AFM: variants seen among roughly 807,000 people sequenced by gnomAD.
The protein encoded by AFM is afamin, also known as alpha-Alb.
In AFM, 82 loss-of-function variants were observed where a neutral mutation model predicts 68.7. The ratio of observed to expected loss-of-function variants is 1.19; its 90% CI spans 1.00 to 1.43. AFM has a LOEUF of 1.43. Ranked by LOEUF, AFM falls within the 40% of genes most tolerant of loss-of-function variation. The pLI, the probability that AFM is intolerant of heterozygous loss-of-function variation, is 0.00. For synonymous variants in AFM, 250 were observed against 234.2 expected (o/e 1.07, Z -0.61); for missense variants, 772 against 701.8 (o/e 1.10, Z -1.13).
Position 73,487,289 on chromosome 4 carries a change from A to C in AFM, c.615+190A>C, listed in dbSNP as rs559726558. Among the ~76,000 whole-genome samples, 3 of 152,354 alleles carry C rather than the reference A, an allele frequency of 2.0e-5. No individual in the cohort carries two copies. In the East Asian group the frequency reaches 5.8e-4, roughly 29 times the overall value. On this transcript the variant is annotated intron_variant, in intron 5 of 14. Coordinates refer to ENST00000226355, the MANE Select transcript of AFM (RefSeq NM_001133.2). Reference sequence around the variant, plus strand: ...TCTCTTTACTTGAGACTCTTGAATGACAGCCAGTCATTTTCAGGGTCTCTC... The same window carrying C: ...TCTCTTTACTTGAGACTCTTGAATGCCAGCCAGTCATTTTCAGGGTCTCTC...
Position 73,485,922 on chromosome 4 carries a change from T to C in AFM, c.331T>C (p.Ser111Pro), listed in dbSNP as rs775109571. 6.2e-6 allele frequency: 10 copies of C among 1,614,028 alleles called. No individual in the cohort carries two copies. Among genetic ancestry groups the C allele is most frequent in the Admixed American group, 1.7e-5 (1 of 59,990 alleles). Reference protein sequence around the residue: ...MEGLPQKHNFSHCCSKVDAQR... With the variant: ...MEGLPQKHNFPHCCSKVDAQR... ...GGGGCTGCCACAAAAGCATAATTTC[T>C]CACACTGCTGCAGTAAGGTTGATGC... The change falls in exon 4 of 15, where the codon TCA (serine) becomes CCA (proline). Residue 111 changes from serine to proline, a missense_variant. By Grantham distance (74) the Ser-to-Pro change is moderately conservative (BLOSUM62 -1). Transcript: ENST00000226355.
intron 8 of AFM, among the ~76,000 whole-genome samples, chr4:73,493,440 C>G (rs541303826): frequency 1.3e-5 from 2 of 152,200 alleles, no homozygotes; most frequent in East Asian, 1.9e-4. Flanking sequence ...AGTAGAATAA[C>G]TAATTGGAAC....
chr4:73,499,298 AG>A, intron 11 of AFM, 52 bp downstream of exon 11: 2 of 1,397,456 alleles, frequency 1.4e-6, no homozygotes, highest in African/African-American at 3.0e-5. Flanking sequence ...TTTAAAAAAA[AG>A]AATATTTGCA....
chr4:73,484,962 G>T (rs1355076887), intron 3 of AFM, among the ~76,000 whole-genome samples: 1 of 152,140 alleles, frequency 6.6e-6, no homozygotes, highest in Non-Finnish European at 1.5e-5. Flanking sequence ...TTGGTATTTA[G>T]AACAAGGTAC....
At position 73,493,676 on chromosome 4, in the gene AFM, C is replaced by T. The variant is rs1015563311; in HGVS notation, c.1058+1590C>T. Among the ~76,000 whole-genome samples the T allele has an allele frequency of 3.3e-5, 5 of 152,082 alleles. No individual in the cohort carries two copies. In the South Asian group the frequency reaches 8.3e-4, roughly 25 times the overall value. ...GCACAGAGAGGTTAAGTAATTTACC[C>T]GAAGTCACACATGTGGTGTGGCCAG... is the stretch of plus-strand genomic sequence containing the variant. On this transcript the variant is annotated intron_variant, in intron 8 of 14. Coordinates refer to ENST00000226355, the MANE Select transcript of AFM (RefSeq NM_001133.2).
In AFM at chr4:73,499,479, A is replaced by G. The variant is rs922161738; in HGVS notation, c.1422+233A>G. On this transcript the variant is annotated intron_variant, in intron 11 of 14. Coordinates refer to ENST00000226355, the MANE Select transcript of AFM (RefSeq NM_001133.2). The stretch of plus-strand genomic sequence containing the variant: ...TTCAAATTATCTTTCTTATTTCTTC[A>G]TTGTATTAGAAGGGATTTGTTAGGA... Among the ~76,000 whole-genome samples, 4 of 152,106 alleles carry G rather than the reference A, an allele frequency of 2.6e-5. No homozygotes were observed. The South Asian group carries it at 6.2e-4, about 24-fold the overall frequency.
intron 1 of AFM, 111 bp downstream of exon 1, chr4:73,481,974 C>T: frequency 6.7e-6 from 5 of 746,554 alleles, no homozygotes; most frequent in South Asian, 5.1e-5. Flanking sequence ...TTCACCCTCT[C>T]ACTAATTTAC....
At chr4:73,484,698 C>G (rs1226159941) in intron 3 of AFM, among the ~76,000 whole-genome samples, 3 of 151,924 alleles carry the variant, frequency 2.0e-5, no homozygotes, top group Non-Finnish European at 4.4e-5. Flanking sequence ...CCATGCCCAG[C>G]TAATTTTTTT....
chr4:73,488,911 T>TTTA, intron 7 of AFM, 152 bp downstream of exon 7: 1 of 775,594 alleles, frequency 1.3e-6, no homozygotes, highest in Admixed American at 3.3e-5. Context: ...AATATAAACA[T>TTTA]TTTTATAAAT....
chr4:73,491,891 T>C lies in AFM; in HGVS notation c.863T>C (p.Ile288Thr). 1.2e-6 allele frequency: 2 copies of C among 1,613,506 alleles called. No individual in the cohort carries two copies. The highest frequency in any genetic ancestry group is 1.7e-6 in the Non-Finnish European group (2 of 1,179,596). Residue 288 changes from isoleucine to threonine, a missense_variant, in exon 8 of 15, where the codon ATT (isoleucine) becomes ACT (threonine). Physicochemically the swap from Ile to Thr is moderately conservative, Grantham distance 89. Transcript: ENST00000226355. ...GTACAGAGCAAGGTTATGAACCATA[T>C]TTGTTCAAAACAAGATTCTATCTCC... ...IRDTSKVMNH[I>T]CSKQDSISSK...
At chr4:73,489,919 G>T (rs910407584) in intron 7 of AFM, among the ~76,000 whole-genome samples, 6 of 152,020 alleles carry the variant, frequency 3.9e-5, no homozygotes, top group African/African-American at 1.5e-4. Context: ...AATCTCCATG[G>T]CACACGTATA....
chr4:73,503,047 C>CA lies in AFM; in HGVS notation c.1780-2dup. On this transcript the variant is annotated splice_region_variant and splice_polypyrimidine_tract_variant and intron_variant, in intron 13 of 14. Transcript: ENST00000226355. ...GTGTTTTTATTTCCATCCCTCACCT[C>CA]AGAGTCCAAAAATTGGCAACTGAAG... is the stretch of plus-strand genomic sequence containing the variant. 6.2e-7 allele frequency: 1 copy of CA among 1,613,050 alleles called. No individual in the cohort carries two copies. The highest frequency in any genetic ancestry group is 1.1e-5 in the South Asian group (1 of 91,032).
intron 7 of AFM, among the ~76,000 whole-genome samples, chr4:73,490,359 C>A (rs1721037208): frequency 6.6e-6 from 1 of 152,156 alleles, no homozygotes; most frequent in African/African-American, 2.4e-5. Flanking sequence ...CAAGTTAAAT[C>A]AATCTCCTTT....
chr4:73,485,829 CT>C, intron 3 of AFM, 32 bp from the exon 4 acceptor site: 1 of 1,568,976 alleles, frequency 6.4e-7, no homozygotes, highest in Non-Finnish European at 8.8e-7. Flanking sequence ...TTTACCATGA[CT>C]AAAAATTGTC....
At chr4:73,481,898 A>G in intron 1 of AFM, 35 bp downstream of exon 1, 1 of 1,355,004 alleles carries the variant, frequency 7.4e-7, no homozygotes, top group Non-Finnish European at 1.0e-6. Context: ...CTAAAGCATG[A>G]CCAGTTAGGA....
At chr4:73,492,692 G>T (rs1029052150) in intron 8 of AFM, among the ~76,000 whole-genome samples, 1 of 150,464 alleles carries the variant, frequency 6.6e-6, no homozygotes, top group Non-Finnish European at 1.5e-5. Context: ...AGCTAATCAG[G>T]AGGCTGAGGC....
At chr4:73,484,486 C>CTT (rs1281183605) in intron 3 of AFM, 96 bp downstream of exon 3, 5 of 746,422 alleles carry the variant, frequency 6.7e-6, no homozygotes, top group Non-Finnish European at 9.8e-6. Context: ...TTCTTTCTTT[C>CTT]TTTCTTTCTT....
intron 4 of AFM, 64 bp downstream of exon 4, chr4:73,486,137 C>A: frequency 1.5e-6 from 2 of 1,304,084 alleles, no homozygotes; most frequent in African/African-American, 3.0e-5. Context: ...AATCTAATAT[C>A]TATCTCAAAT....
chr4:73,503,541 T>C (rs1721473836), intron 14 of AFM, among the ~76,000 whole-genome samples: 1 of 152,134 alleles, frequency 6.6e-6, no homozygotes, highest in African/African-American at 2.4e-5. Context: ...TACTGAGATA[T>C]GATTCACATA....
Sources: allele counts gnomAD v4.1 joint callset (sites outside exome capture counted in the v4.1 genomes callset), GRCh38; gene constraint gnomAD v4.1.1; transcripts MANE v1.5; gene names NCBI Gene and HGNC (gene_info 2026-07-23, HGNC 2026-07-21).